IQCM: variants seen among roughly 807,000 people sequenced by gnomAD.
IQCM encodes the protein IQ domain-containing protein M.
In IQCM, 45 loss-of-function variants were observed where a neutral mutation model predicts 57.6. The ratio of observed to expected loss-of-function variants is 0.78; its 90% confidence interval spans 0.62 to 1.00. The LOEUF is 1.00. IQCM is among the 50% of genes least tolerant of loss of function. The pLI, the probability that IQCM is intolerant of heterozygous loss-of-function variation, is 0.00. For missense variants in IQCM, 468 were observed against 511.6 expected (o/e 0.91, Z 0.82); for synonymous variants, 148 against 158.9 (o/e 0.93, Z 0.51).
intron 12 of IQCM, among the ~76,000 whole-genome samples, chr4:149,475,576 T>G (rs1465494401): frequency 6.6e-6 from 1 of 151,652 alleles, no homozygotes; most frequent in Non-Finnish European, 1.5e-5. Context: ...ATGGGGGCAG[T>G]AGAAATAGAG....
In IQCM at chr4:149,628,621, G is replaced by A. The variant is rs956370439; in HGVS notation, c.566-7377C>T. Among the ~76,000 whole-genome samples, 13 of 152,168 alleles carry A rather than the reference G, an allele frequency of 8.5e-5. No individual in the cohort carries two copies. In the East Asian group the frequency reaches 1.7e-3, roughly 20 times the overall value. ...AGATGAAACTAGAACAATCAGAAAT[G>A]AAGAAAACATACTATGTAATAATTT... On this transcript the variant is annotated intron_variant, in intron 7 of 13. Coordinates refer to ENST00000636793, the MANE Select transcript of IQCM (RefSeq NM_001363507.2).
At chr4:149,749,976 T>C (rs905288266) in intron 2 of IQCM, among the ~76,000 whole-genome samples, 4 of 152,198 alleles carry the variant, frequency 2.6e-5, no homozygotes, top group African/African-American at 7.2e-5. Context: ...AAAAACTGTT[T>C]ATTTGAATTC....
At chr4:149,532,743 A>T (rs1473590059) in intron 12 of IQCM, among the ~76,000 whole-genome samples, 4 of 152,092 alleles carry the variant, frequency 2.6e-5, no homozygotes, top group Non-Finnish European at 4.4e-5. Context: ...CTTTCTACAA[A>T]CAAGGTTCTA....
intron 9 of IQCM, among the ~76,000 whole-genome samples, chr4:149,582,829 AC>A (rs1257850583): frequency 6.6e-6 from 1 of 151,674 alleles, no homozygotes; most frequent in Non-Finnish European, 1.5e-5. Context: ...TTCATAGGTA[AC>A]AAAATTTCAG....
At chr4:149,599,644 A>G (rs746642113) in intron 8 of IQCM, among the ~76,000 whole-genome samples, 23 of 152,250 alleles carry the variant, frequency 1.5e-4, no homozygotes, top group Non-Finnish European at 1.2e-4. Flanking sequence ...TTGAGCTTAA[A>G]TTGAGCATAT....
intron 12 of IQCM, among the ~76,000 whole-genome samples, chr4:149,544,214 T>A (rs1385209519): frequency 6.6e-6 from 1 of 152,166 alleles, no homozygotes; most frequent in Non-Finnish European, 1.5e-5. Context: ...CATGAGTATA[T>A]AAATAGAAAG....
intron 5 of IQCM, among the ~76,000 whole-genome samples, chr4:149,707,325 GA>G (rs1278813681): frequency 6.6e-6 from 1 of 151,998 alleles, no homozygotes; most frequent in Non-Finnish European, 1.5e-5. Context: ...ATAATGCTTT[GA>G]AACTGCAAAT....
At chr4:149,666,406 G>A (rs1026078067) in intron 7 of IQCM, among the ~76,000 whole-genome samples, 9 of 152,114 alleles carry the variant, frequency 5.9e-5, no homozygotes, top group African/African-American at 1.7e-4. Context: ...CAGATACTAC[G>A]CTTTTCCCAT....
At chr4:149,417,844 C>G (rs539450098) in intron 13 of IQCM, among the ~76,000 whole-genome samples, 1 of 142,040 alleles carries the variant, frequency 7.0e-6, no homozygotes, top group South Asian at 2.2e-4. Context: ...TTGGAAGGCA[C>G]TTTGAAGTTT....
intron 7 of IQCM, among the ~76,000 whole-genome samples, chr4:149,671,188 A>C (rs193007002): frequency 1.7e-4 from 26 of 152,220 alleles, no homozygotes; most frequent in African/African-American, 6.3e-4. Flanking sequence ...CAGGGATTCA[A>C]CTTCTTCCTG....
chr4:149,492,530 A>G (rs1742203833), intron 12 of IQCM, among the ~76,000 whole-genome samples: 1 of 152,114 alleles, frequency 6.6e-6, no homozygotes, highest in African/African-American at 2.4e-5. Flanking sequence ...AACACTATCA[A>G]CTTGAACATT....
intron 13 of IQCM, among the ~76,000 whole-genome samples, chr4:149,413,619 T>G (rs1039084361): frequency 6.6e-6 from 1 of 152,196 alleles, no homozygotes; most frequent in African/African-American, 2.4e-5. Context: ...CAAAGAGCAG[T>G]GTCTAAACAA....
At chr4:149,520,062 T>C (rs1261320274) in intron 12 of IQCM, among the ~76,000 whole-genome samples, 3 of 152,142 alleles carry the variant, frequency 2.0e-5, no homozygotes, top group African/African-American at 4.8e-5. Context: ...TTAAACAATA[T>C]GTAGTACAAT....
intron 11 of IQCM, among the ~76,000 whole-genome samples, chr4:149,550,346 T>A (rs550080504): frequency 5.3e-5 from 8 of 152,352 alleles, no homozygotes; most frequent in Non-Finnish European, 8.8e-5. Context: ...TGCCTAGGAT[T>A]AACTCCCAAG....
intron 12 of IQCM, among the ~76,000 whole-genome samples, chr4:149,539,027 T>C (rs1208898569): frequency 6.6e-6 from 1 of 152,076 alleles, no homozygotes; most frequent in Non-Finnish European, 1.5e-5. Context: ...GGCTTCTCTA[T>C]AGAAGATAAA....
At chr4:149,599,486 G>A (rs1035668797) in intron 8 of IQCM, among the ~76,000 whole-genome samples, 8 of 151,934 alleles carry the variant, frequency 5.3e-5, no homozygotes, top group Admixed American at 3.9e-4. Context: ...GAAGGAAAAA[G>A]ACAAACAATG....
chr4:149,410,241 G>C (rs1054594854), intron 13 of IQCM, among the ~76,000 whole-genome samples: 1 of 151,804 alleles, frequency 6.6e-6, no homozygotes, highest in Non-Finnish European at 1.5e-5. Context: ...CAGCCAAAAG[G>C]TCCCAAACTG....
At chr4:149,494,706 G>GCATTGTTCC (rs1369350395) in intron 12 of IQCM, among the ~76,000 whole-genome samples, 9 of 152,120 alleles carry the variant, frequency 5.9e-5, no homozygotes, top group African/African-American at 2.2e-4. Context: ...GCCAATGGAG[G>GCATTGTTCC]TGGAGCCCAT....
chr4:149,750,518 C>G (rs1768334620), intron 2 of IQCM, among the ~76,000 whole-genome samples: 1 of 152,178 alleles, frequency 6.6e-6, no homozygotes, highest in African/African-American at 2.4e-5. Context: ...CCTTAGAACA[C>G]TACTATATCA....
Sources: allele counts gnomAD v4.1 joint callset (sites outside exome capture counted in the v4.1 genomes callset), GRCh38; gene constraint gnomAD v4.1.1; transcripts MANE v1.5; gene names NCBI Gene and HGNC (gene_info 2026-07-23, HGNC 2026-07-21).